TMX3: variants seen among roughly 807,000 people sequenced by gnomAD.
The protein encoded by TMX3 is protein disulfide-isomerase TMX3.
In TMX3, 40 loss-of-function variants were observed where a neutral mutation model predicts 64.4. That is an observed-to-expected ratio of 0.62 (90% CI 0.48 to 0.81). The LOEUF is 0.81. Ranked by LOEUF, TMX3 falls within the 30% of genes least tolerant of loss-of-function variation. TMX3 has a pLI of 0.00. For synonymous variants in TMX3, 189 were observed against 175.7 expected, an observed-to-expected ratio of 1.08 and a Z score of -0.60; for missense variants, 497 against 534.5, an observed-to-expected ratio of 0.93 and a Z score of 0.69.
intron 8 of TMX3, among the ~76,000 whole-genome samples, chr18:68,695,328 G>A (rs1914953464): frequency 6.6e-6 from 1 of 151,814 alleles, no homozygotes; most frequent in African/African-American, 2.4e-5. Context: ...ACTTTCCTTT[G>A]CTGACCTCAG....
chr18:68,696,217 A>G (rs951383792), intron 8 of TMX3, among the ~76,000 whole-genome samples: 4 of 152,208 alleles, frequency 2.6e-5, no homozygotes, highest in Non-Finnish European at 5.9e-5. Context: ...TCTGTCGCCC[A>G]GGCTGGAGTA....
chr18:68,676,826 C>A lies in TMX3; in HGVS notation c.*107G>T. 7.2e-7 allele frequency: 1 copy of A among 1,388,462 alleles called. No individual in the cohort carries two copies. Among genetic ancestry groups the A allele is most frequent in the African/African-American group, 1.5e-5 (1 of 68,482 alleles). The allele number at this position is 1,388,462 out of a possible 1,614,324, so 86.0% of individuals were successfully genotyped here. On this transcript the variant is annotated 3_prime_UTR_variant, in exon 16 of 16. Coordinates refer to ENST00000299608, the MANE Select transcript of TMX3 (RefSeq NM_019022.5). Reference sequence around the variant, plus strand: ...CCATGCAGTTGATATTAGCAAAATACGAATAACATGTTCTTTTCTGTAAAG... The same window carrying A: ...CCATGCAGTTGATATTAGCAAAATAAGAATAACATGTTCTTTTCTGTAAAG...
At chr18:68,706,885 A>G (rs420078) in intron 4 of TMX3, among the ~76,000 whole-genome samples, 1 of 151,784 alleles carries the variant, frequency 6.6e-6, no homozygotes, top group African/African-American at 2.4e-5. Context: ...ACTAGGAAGA[A>G]AGGTTGCTTC....
Position 68,676,981 on chromosome 18 carries a change from C to T in TMX3, c.1317G>A (p.Val439=), listed in dbSNP as rs1489363456. ...CATCCTTGGGCTCCTGCACTGTAGGCACTACAGATCCTCCACTGCTGGGCT... is the reference window on the plus strand; with the variant it reads ...CATCCTTGGGCTCCTGCACTGTAGGTACTACAGATCCTCCACTGCTGGGCT... The part of the protein sequence containing the change: ...QQEPSSGGSV[V]PTVQEPKDVL... The change falls in exon 16 of 16, where the codon GTG becomes GTA. Residue 439 remains valine (V), a synonymous_variant. Transcript: ENST00000299608. 1.2e-6 allele frequency: 2 copies of T among 1,613,752 alleles called. No homozygotes were observed. Among genetic ancestry groups the T allele is most frequent in the South Asian group, 2.2e-5 (2 of 91,066 alleles).
At chr18:68,700,870 C>CA in intron 5 of TMX3, 1 of 978,412 alleles carries the variant, frequency 1.0e-6, no homozygotes, top group Non-Finnish European at 1.2e-6. Flanking sequence ...TTAGAAGAGG[C>CA]AAAACAAATG....
intron 13 of TMX3, chr18:68,681,568 T>C (rs1018416837): frequency 2.0e-6 from 2 of 985,250 alleles, no homozygotes; most frequent in African/African-American, 1.7e-5. Flanking sequence ...GGATAATAAA[T>C]GAAGTAAGGT....
chr18:68,679,341 T>C (rs1361050513), intron 15 of TMX3, 122 bp downstream of exon 15: 1 of 668,978 alleles, frequency 1.5e-6, no homozygotes, highest in Non-Finnish European at 2.4e-6. Flanking sequence ...TGACTAGTCA[T>C]ATCCTGCAAA....
At chr18:68,711,463 G>A (rs1343668037) in intron 2 of TMX3, 60 bp from the exon 3 acceptor site, 8 of 1,200,500 alleles carry the variant, frequency 6.7e-6, no homozygotes, top group Non-Finnish European at 8.3e-6. Flanking sequence ...CAACTGTATA[G>A]TATAGGCAGA....
chr18:68,708,491 T>C (rs2030946473), intron 4 of TMX3, among the ~76,000 whole-genome samples: 1 of 152,166 alleles, frequency 6.6e-6, no homozygotes, highest in Admixed American at 6.5e-5. Flanking sequence ...AACCAATCTG[T>C]TACTTCTGTG....
intron 4 of TMX3, among the ~76,000 whole-genome samples, chr18:68,703,376 A>G (rs1331226842): frequency 1.3e-5 from 2 of 152,232 alleles, no homozygotes; most frequent in Admixed American, 1.3e-4. Context: ...CAAATCAAAT[A>G]AAGAAAATAC....
chr18:68,689,693 T>C (rs970731150), intron 9 of TMX3: 1 of 152,182 alleles, frequency 6.6e-6, no homozygotes, highest in Admixed American at 6.5e-5. Context: ...TTCCTTCTCA[T>C]ATTTTCAAAT....
chr18:68,709,884 A>G, intron 4 of TMX3, 137 bp downstream of exon 4: 1 of 712,392 alleles, frequency 1.4e-6, no homozygotes, highest in Non-Finnish European at 2.1e-6. Flanking sequence ...TTAACTCATA[A>G]AGTATACAGT....
At chr18:68,713,812 AAAT>A (rs1422011571) in intron 2 of TMX3, 31 bp downstream of exon 2, 1 of 1,134,616 alleles carries the variant, frequency 8.8e-7, no homozygotes, top group African/African-American at 1.6e-5. Flanking sequence ...TGGACAGTTA[AAAT>A]AATATTTTAA....
intron 8 of TMX3, among the ~76,000 whole-genome samples, chr18:68,691,833 A>AAACT: frequency 6.6e-6 from 1 of 152,252 alleles, no homozygotes; most frequent in Admixed American, 6.5e-5. Context: ...CACTTACAGT[A>AAACT]GTAATAAGGG....
intron 13 of TMX3, 83 bp from the exon 14 acceptor site, chr18:68,681,193 A>T (rs1368579263): frequency 2.5e-6 from 3 of 1,189,422 alleles, no homozygotes; most frequent in Non-Finnish European, 3.3e-6. Flanking sequence ...CTCAGTAGCC[A>T]TAATTATAGA....
intron 14 of TMX3, among the ~76,000 whole-genome samples, chr18:68,680,083 T>C (rs1167282954): frequency 6.6e-6 from 1 of 152,176 alleles, no homozygotes; most frequent in Non-Finnish European, 1.5e-5. Context: ...GAAGGCTGAT[T>C]ATTTATATAG....
At chr18:68,678,638 A>T (rs1467859314) in intron 15 of TMX3, among the ~76,000 whole-genome samples, 1 of 152,162 alleles carries the variant, frequency 6.6e-6, no homozygotes, top group Non-Finnish European at 1.5e-5. Context: ...TGATAGAGTG[A>T]AAGGAAGAGG....
chr18:68,705,684 T>C (rs1329657558), intron 4 of TMX3, among the ~76,000 whole-genome samples: 2 of 152,170 alleles, frequency 1.3e-5, no homozygotes, highest in Non-Finnish European at 2.9e-5. Context: ...AAGAGGTATG[T>C]ACAAAAAGAG....
At chr18:68,686,684 C>T (rs550149533) in intron 10 of TMX3, 62 of 973,152 alleles carry the variant, frequency 6.4e-5, no homozygotes, top group African/African-American at 2.7e-4. Context: ...TCCAGCCTGG[C>T]GACAGAGAGA....
Sources: gnomAD v4.1 joint callset for allele counts (sites outside exome capture counted in the v4.1 genomes callset) on GRCh38, gnomAD v4.1.1 for gene constraint, MANE v1.5 for transcripts, NCBI Gene and HGNC (gene_info 2026-07-23, HGNC 2026-07-21) for gene names.